KDM4B: variants seen among roughly 807,000 people sequenced by gnomAD.
KDM4B encodes lysine-specific demethylase 4B.
KDM4B carries 32 observed loss-of-function variants against 125.2 expected under a neutral mutation model. That is an observed-to-expected ratio of 0.26 (90% CI 0.19 to 0.34). The LOEUF (loss-of-function observed/expected upper bound fraction) is 0.34, where lower values mean the gene tolerates loss of function less well. Among genes scored for constraint, KDM4B ranks in the 10% least tolerant of loss-of-function variants. The pLI is 1.00. For missense variants in KDM4B, 1,190 were observed against 1,577.7 expected, an observed-to-expected ratio of 0.75 and a Z score of 4.16; for synonymous variants, 721 against 677.9, an observed-to-expected ratio of 1.06 and a Z score of -0.99.
At chr19:4,998,131 TG>T (rs2035260099) in intron 1 of KDM4B, among the ~76,000 whole-genome samples, 1 of 152,224 alleles carries the variant, frequency 6.6e-6, no homozygotes, top group African/African-American at 2.4e-5. Flanking sequence ...CCGCTCTGTG[TG>T]GCTCCATCCC....
intron 1 of KDM4B, among the ~76,000 whole-genome samples, chr19:4,987,727 T>C (rs981997294): frequency 2.6e-5 from 4 of 151,922 alleles, no homozygotes; most frequent in African/African-American, 4.8e-5. Flanking sequence ...GCCCGGCCAG[T>C]ATATGTGTTT....
At chr19:5,053,711 CTT>C (rs1321869453) in intron 6 of KDM4B, among the ~76,000 whole-genome samples, 2 of 152,358 alleles carry the variant, frequency 1.3e-5, no homozygotes, top group East Asian at 1.9e-4. Context: ...GAAGGAACCT[CTT>C]TTTGAGAGAA....
At chr19:4,983,076 A>C (rs1157193745) in intron 1 of KDM4B, among the ~76,000 whole-genome samples, 2 of 152,082 alleles carry the variant, frequency 1.3e-5, no homozygotes, top group African/African-American at 4.8e-5. Flanking sequence ...TTATCATTTC[A>C]GCATGTAATC....
At chr19:5,093,051 C>A (rs377543730) in intron 9 of KDM4B, among the ~76,000 whole-genome samples, 13 of 152,296 alleles carry the variant, frequency 8.5e-5, no homozygotes, top group African/African-American at 3.1e-4. Context: ...TAGTGCTCTG[C>A]CTCAGTTTCC....
At chr19:4,988,807 C>T (rs1407438118) in intron 1 of KDM4B, among the ~76,000 whole-genome samples, 3 of 152,320 alleles carry the variant, frequency 2.0e-5, no homozygotes, top group East Asian at 1.9e-4. Flanking sequence ...CCCAGTCCTC[C>T]GGGTTTTACC....
intron 2 of KDM4B, among the ~76,000 whole-genome samples, chr19:5,029,029 C>T (rs975110461): frequency 6.6e-6 from 1 of 152,184 alleles, no homozygotes; most frequent in Non-Finnish European, 1.5e-5. Flanking sequence ...TCCTGCCTCA[C>T]CCTCCCAAGT....
In KDM4B at chr19:5,151,871, A is replaced by G. The variant is rs1475179754; in HGVS notation, c.*360A>G. 1.4e-5 allele frequency: 3 copies of G among 221,304 alleles called. No homozygotes were observed. The highest frequency in any genetic ancestry group is 2.3e-5 in the African/African-American group (1 of 44,138). The allele number at this position is 221,304 out of a possible 1,614,324, so 13.7% of individuals were successfully genotyped here. A position where few individuals can be genotyped will look rare whatever the true frequency, so the allele number is the denominator to read the frequency against. ...CCTTTGTGAGGCTCTTTCTATAAAT[A>G]CATATTGTTTAAAAAAAAGCAAGAA... On this transcript the variant is annotated 3_prime_UTR_variant, in exon 23 of 23. Transcript: ENST00000159111.
chr19:5,102,543 A>T (rs2038956795), intron 9 of KDM4B, among the ~76,000 whole-genome samples: 1 of 151,716 alleles, frequency 6.6e-6, no homozygotes, highest in Non-Finnish European at 1.5e-5. Flanking sequence ...GAGCCTCCAC[A>T]GGCCAGGGGA....
chr19:5,051,916 C>T (rs1473149411), intron 6 of KDM4B, among the ~76,000 whole-genome samples: 1 of 152,196 alleles, frequency 6.6e-6, no homozygotes, highest in Non-Finnish European at 1.5e-5. Context: ...CCTCTGTTTA[C>T]CTTGGACACA....
intron 2 of KDM4B, among the ~76,000 whole-genome samples, chr19:5,026,122 C>G (rs1484585753): frequency 2.6e-5 from 4 of 151,546 alleles, no homozygotes; most frequent in African/African-American, 9.7e-5. Context: ...AAGAAGAAAC[C>G]CAGGGACAGG....
intron 14 of KDM4B, among the ~76,000 whole-genome samples, chr19:5,134,846 T>C (rs1301971567): frequency 2.0e-5 from 3 of 152,154 alleles, no homozygotes; most frequent in African/African-American, 7.2e-5. Context: ...CTGGATTTAG[T>C]GCTCTGGTTC....
In KDM4B at chr19:5,151,442, G is replaced by T. The variant is rs759695440; in HGVS notation, c.3222G>T (p.Arg1074=). The part of the protein sequence containing the change: ...GTPLATEDSG[R]SQDYVAFVES... ...CGCTTGCCACGGAGGACTCCGGGCG[G>T]AGCCAGGACTACGTGGCCTTCGTGG... The change falls in exon 23 of 23, where the codon CGG becomes CGT. Residue 1074 remains arginine, a synonymous_variant. Coordinates refer to ENST00000159111, the MANE Select transcript of KDM4B (RefSeq NM_015015.3). 113 of 1,553,580 alleles carry T rather than the reference G, an allele frequency of 7.3e-5. No individual in the cohort carries two copies. Among genetic ancestry groups the T allele is most frequent in the Non-Finnish European group, 1.3e-5 (15 of 1,152,400 alleles).
chr19:5,099,281 A>G (rs1030898236), intron 9 of KDM4B, among the ~76,000 whole-genome samples: 11 of 152,222 alleles, frequency 7.2e-5, no homozygotes, highest in African/African-American at 2.7e-4. Flanking sequence ...AACATTTAAT[A>G]AGGATTTACA....
chr19:5,029,180 G>T (rs146615909), intron 2 of KDM4B, among the ~76,000 whole-genome samples: 34 of 152,336 alleles, frequency 2.2e-4, no homozygotes, highest in African/African-American at 8.2e-4. Flanking sequence ...CAAAGTGCTG[G>T]GATTACAGGC....
chr19:4,973,371 T>G (rs575130700), intron 1 of KDM4B, among the ~76,000 whole-genome samples: 7 of 152,138 alleles, frequency 4.6e-5, no homozygotes, highest in Admixed American at 2.6e-4. Context: ...GTATTTTTAG[T>G]AGACACGGGG....
At chr19:4,982,990 T>C (rs1461187174) in intron 1 of KDM4B, among the ~76,000 whole-genome samples, 1 of 152,156 alleles carries the variant, frequency 6.6e-6, no homozygotes, top group African/African-American at 2.4e-5. Flanking sequence ...TTCTGGTAGC[T>C]GAGTTAAAAG....
At chr19:5,124,680 C>T (rs1488237098) in intron 11 of KDM4B, among the ~76,000 whole-genome samples, 1 of 152,218 alleles carries the variant, frequency 6.6e-6, no homozygotes, top group African/African-American at 2.4e-5. Context: ...CATGCAACCT[C>T]TACCTCCCAG....
chr19:5,058,555 T>G (rs2037481210), intron 6 of KDM4B, among the ~76,000 whole-genome samples: 1 of 151,992 alleles, frequency 6.6e-6, no homozygotes, highest in African/African-American at 2.4e-5. Flanking sequence ...AGGAGCAGGC[T>G]TTCGGGCCAG....
Position 5,082,365 on chromosome 19 carries a change from A to G in KDM4B, c.781-2A>G, listed in dbSNP as rs1216128283. Reference sequence around the variant, plus strand: ...CCTCACCTGTCTCCTTTCCCTCTGCAGATCACGCAGGAGGCCGGGGAATTC... The same window carrying G: ...CCTCACCTGTCTCCTTTCCCTCTGCGGATCACGCAGGAGGCCGGGGAATTC... On this transcript the variant is annotated splice_acceptor_variant, in intron 8 of 22. Transcript: ENST00000159111. LOFTEE classifies it high-confidence loss of function. This position sits in a 1 kb window ranked among gnomAD's most constrained non-coding sequence, Gnocchi z 5.4. 1 of 1,613,482 alleles carries G rather than the reference A, an allele frequency of 6.2e-7. No individual in the cohort carries two copies. Among genetic ancestry groups the G allele is most frequent in the Non-Finnish European group, 8.5e-7 (1 of 1,179,908 alleles).
Sources: gnomAD v4.1 joint callset for allele counts (sites outside exome capture counted in the v4.1 genomes callset) on GRCh38, gnomAD v4.1.1 for gene constraint, Gnocchi (gnomAD v3.1) non-coding constraint, MANE v1.5 for transcripts, NCBI Gene and HGNC (gene_info 2026-07-23, HGNC 2026-07-21) for gene names.